The following PITPNB variants were observed in gnomAD, a reference collection of about 807,000 sequenced individuals.
PITPNB encodes phosphatidylinositol transfer protein beta isoform.
In PITPNB, 16 loss-of-function variants were observed where a neutral mutation model predicts 45.9. The observed-to-expected ratio is 0.35, with a 90% CI of 0.24 to 0.53. PITPNB has a LOEUF of 0.53. Among genes scored for constraint, PITPNB ranks in the 20% least tolerant of loss-of-function variants. The pLI is 0.93. For missense variants in PITPNB, 188 were observed against 330.5 expected (o/e 0.57, Z 3.34); for synonymous variants, 112 against 108.9 (o/e 1.03, Z -0.18).
intron 3 of PITPNB, among the ~76,000 whole-genome samples, chr22:27,909,207 CTTTTTTTTTT>C (rs34224616): frequency 1.8e-4 from 15 of 82,248 alleles, no homozygotes; most frequent in Non-Finnish European, 2.7e-4. Flanking sequence ...ACTGGTAGTA[CTTTTTTTTTT>C]TTTTTTTTTT....
At position 27,852,802 on chromosome 22, in the gene PITPNB, A is replaced by G. The variant is rs1934059544; in HGVS notation, c.*900T>C. 6.6e-6 allele frequency: 1 copy of G among 152,652 alleles called. No individual in the cohort carries two copies. Among genetic ancestry groups the G allele is most frequent in the African/African-American group, 2.4e-5 (1 of 41,448 alleles). 9.5% of individuals were successfully genotyped at this position (152,652 alleles called of 1,614,324 possible). On this transcript the variant is annotated 3_prime_UTR_variant, in exon 12 of 12. Transcript: ENST00000335272. ...ACTTTTCTACACAGCCTACAATCCT[A>G]TTAAGACTAATTTCTTCATCAATGT...
At chr22:27,897,565 G>A (rs1402339341) in intron 4 of PITPNB, among the ~76,000 whole-genome samples, 1 of 152,158 alleles carries the variant, frequency 6.6e-6, no homozygotes, top group East Asian at 1.9e-4. Context: ...CCTGGAGCCA[G>A]CATAGTCAGC....
chr22:27,858,369 T>C lies in PITPNB; in HGVS notation c.768+18A>G, dbSNP rs1601374456. The stretch of plus-strand genomic sequence containing the variant: ...AAAAGGGAAAATTAGAGAATTGCCA[T>C]AGAACAGCCAGTCTTACTGTTTCTA... On this transcript the variant is annotated intron_variant, in intron 10 of 11. Transcript: ENST00000335272. The C allele has an allele frequency of 1.9e-6, 3 of 1,586,804 alleles. No individual in the cohort carries two copies. Among genetic ancestry groups the C allele is most frequent in the Non-Finnish European group, 2.6e-6 (3 of 1,167,496 alleles).
At chr22:27,885,212 TAAAAAAAAA>T (rs71194746) in intron 7 of PITPNB, among the ~76,000 whole-genome samples, 114 of 30,226 alleles carry the variant, frequency 3.8e-3, no homozygotes, top group Non-Finnish European at 4.9e-3. Context: ...AATTTATACC[TAAAAAAAAA>T]AAAAAAAAAA....
At chr22:27,866,338 T>C (rs967373250) in intron 8 of PITPNB, among the ~76,000 whole-genome samples, 5 of 152,208 alleles carry the variant, frequency 3.3e-5, no homozygotes, top group African/African-American at 9.6e-5. Flanking sequence ...TGAGTCATGT[T>C]TTTAATTTAA....
At chr22:27,871,354 A>G (rs548402895) in intron 8 of PITPNB, among the ~76,000 whole-genome samples, 3 of 152,226 alleles carry the variant, frequency 2.0e-5, no homozygotes, top group Non-Finnish European at 4.4e-5. Context: ...TAATGTTTAT[A>G]CTTGAAAAGC....
rs1221218163 is a variant in PITPNB at position 27,893,370 on chromosome 22, C to T, written c.456+1185G>A. On this transcript the variant is annotated intron_variant, in intron 7 of 11. Transcript: ENST00000335272. ...CGCGATCTCGGCTCACTGCAAGCTC[C>T]GCCTCCCGGGCTCATGCCACTCTCC... 3.3e-5 allele frequency among the ~76,000 whole-genome samples: 5 copies of T among 150,842 alleles called. 1 individual carries two copies. The South Asian group carries it at 8.4e-4, about 25-fold the overall frequency.
At chr22:27,889,577 GC>G (rs2146391276) in intron 7 of PITPNB, among the ~76,000 whole-genome samples, 1 of 152,280 alleles carries the variant, frequency 6.6e-6, no homozygotes, top group Non-Finnish European at 1.5e-5. Flanking sequence ...CTTTCCTTCA[GC>G]CTTTTCAGCT....
intron 8 of PITPNB, among the ~76,000 whole-genome samples, chr22:27,873,073 GC>G (rs1331014894): frequency 6.6e-6 from 1 of 152,182 alleles, no homozygotes; most frequent in Non-Finnish European, 1.5e-5. Flanking sequence ...TTCGAGACCA[GC>G]CTGACCAACA....
At chr22:27,873,839 G>C in intron 7 of PITPNB, 24 bp from the exon 8 acceptor site, 1 of 1,510,850 alleles carries the variant, frequency 6.6e-7, no homozygotes, top group East Asian at 2.3e-5. Context: ...CAAAGTCAGA[G>C]GCAGAGAAGA....
intron 3 of PITPNB, among the ~76,000 whole-genome samples, chr22:27,903,237 A>G (rs910254679): frequency 1.3e-5 from 2 of 152,086 alleles, no homozygotes; most frequent in African/African-American, 4.8e-5. Context: ...TAGGAGGCCG[A>G]GGAGGGTAGA....
rs893117152 is a variant in PITPNB at position 27,858,411 on chromosome 22, G to A, written c.744C>T (p.Asp248=). Residue 248 remains aspartate (D), a synonymous_variant, in exon 10 of 12, where the codon GAC becomes GAT. Coordinates refer to ENST00000335272, the MANE Select transcript of PITPNB (RefSeq NM_012399.5). ...CTGTTTCTAGTTCTTTCTGAGTCTCGTCTTCCATTCTCCTAATGTCTTCCA... is the reference window on the plus strand; with the variant it reads ...CTGTTTCTAGTTCTTTCTGAGTCTCATCTTCCATTCTCCTAATGTCTTCCA... ...LTMEDIRRME[D]ETQKELETMR... 8.7e-6 allele frequency: 14 copies of A among 1,606,854 alleles called. No individual in the cohort carries two copies. The highest frequency in any genetic ancestry group is 6.8e-5 in the Admixed American group (4 of 58,732).
intron 7 of PITPNB, among the ~76,000 whole-genome samples, chr22:27,887,762 A>G (rs1404290905): frequency 2.0e-5 from 3 of 152,156 alleles, no homozygotes; most frequent in South Asian, 2.1e-4. Context: ...CCTCCCTGCC[A>G]TAAGTCACCC....
chr22:27,876,955 A>G (rs765202172), intron 7 of PITPNB, among the ~76,000 whole-genome samples: 51 of 152,286 alleles, frequency 3.3e-4, no homozygotes, highest in Non-Finnish European at 5.6e-4. Context: ...TTCTCATCTC[A>G]TTAGTTCTTT....
rs556302402 is a variant in PITPNB at position 27,885,160 on chromosome 22, C to T, written c.456+9395G>A. ...TTTGTATATAAATCATGGAAAGCTA[C>T]TTAGACAAAGTGCTGGAGATGATTA... On this transcript the variant is annotated intron_variant, in intron 7 of 11. Coordinates refer to ENST00000335272, the MANE Select transcript of PITPNB (RefSeq NM_012399.5). Among the ~76,000 whole-genome samples, 14 of 121,360 alleles carry T rather than the reference C, an allele frequency of 1.2e-4. No individual in the cohort carries two copies. In the South Asian group the frequency reaches 3.2e-3, roughly 28 times the overall value. 79.6% of individuals were successfully genotyped at this position (121,360 alleles called of 152,430 possible). A position where few individuals can be genotyped will look rare whatever the true frequency, so the allele number is the denominator to read the frequency against.
At chr22:27,903,467 CAA>C (rs71194750) in intron 3 of PITPNB, among the ~76,000 whole-genome samples, 28 of 81,248 alleles carry the variant, frequency 3.4e-4, no homozygotes, top group Admixed American at 5.8e-4. Flanking sequence ...GAAACTGTCT[CAA>C]AAAAAAAAAA....
chr22:27,916,491 A>G (rs971475952), intron 1 of PITPNB, among the ~76,000 whole-genome samples: 1 of 152,174 alleles, frequency 6.6e-6, no homozygotes, highest in Non-Finnish European at 1.5e-5. Flanking sequence ...CTCGAAAGTC[A>G]TTTCTAACAT....
intron 10 of PITPNB, among the ~76,000 whole-genome samples, chr22:27,857,680 A>T (rs1934211330): frequency 6.6e-6 from 1 of 152,192 alleles, no homozygotes; most frequent in Non-Finnish European, 1.5e-5. Context: ...TGCCAACTGA[A>T]GACAAGCATG....
chr22:27,904,730 G>A (rs1352372468), intron 3 of PITPNB, among the ~76,000 whole-genome samples: 1 of 152,156 alleles, frequency 6.6e-6, no homozygotes, highest in Non-Finnish European at 1.5e-5. Context: ...TTGATTAACA[G>A]TAATGATGGA....
Sources: allele counts gnomAD v4.1 joint callset (sites outside exome capture counted in the v4.1 genomes callset), GRCh38; gene constraint gnomAD v4.1.1; transcripts MANE v1.5; gene names NCBI Gene and HGNC (gene_info 2026-07-23, HGNC 2026-07-21).